The following MAPK8IP3 variants were observed in gnomAD, a reference collection of about 807,000 sequenced individuals.
MAPK8IP3 encodes mitogen-activated protein kinase 8 interacting protein 3.
MAPK8IP3 carries 49 observed loss-of-function variants against 157.8 expected under a neutral mutation model. The ratio of observed to expected loss-of-function variants is 0.31; its 90% CI spans 0.25 to 0.39. MAPK8IP3 has a LOEUF of 0.39. Among genes scored for constraint, MAPK8IP3 ranks in the 10% least tolerant of loss-of-function variants. MAPK8IP3 has a pLI of 1.00. For missense variants in MAPK8IP3, 1,478 were observed against 1,889.4 expected, an observed-to-expected ratio of 0.78 and a Z score of 4.04; for synonymous variants, 897 against 777.7, an observed-to-expected ratio of 1.15 and a Z score of -2.55.
chr16:1,733,512 G>T (rs1254656287), intron 4 of MAPK8IP3, among the ~76,000 whole-genome samples: 1 of 152,224 alleles, frequency 6.6e-6, no homozygotes, highest in African/African-American at 2.4e-5. Flanking sequence ...GCGGGGCAAG[G>T]AGTACTTCGT....
Position 1,743,517 on chromosome 16 carries a change from T to C in MAPK8IP3, c.747+41T>C. On this transcript the variant is annotated intron_variant, in intron 5 of 31. Coordinates refer to ENST00000610761, the MANE Select transcript of MAPK8IP3 (RefSeq NM_001318852.2). The surrounding 1 kb of genome is among the most constrained non-coding windows in gnomAD (Gnocchi z 5.6). ...CGTGGAGTGAGAGGCTCCTCCCTGT[T>C]GCTGGTGTTCCCCGTTCACTGGGGC... The C allele has an allele frequency of 2.5e-6, 4 of 1,600,908 alleles. No homozygotes were observed. In the South Asian group the frequency reaches 4.4e-5, roughly 18 times the overall value.
At chr16:1,761,478 C>T (rs113475778) in intron 13 of MAPK8IP3, among the ~76,000 whole-genome samples, 173 bp downstream of exon 13, 7 of 149,726 alleles carry the variant, frequency 4.7e-5, no homozygotes, top group African/African-American at 1.7e-4. Flanking sequence ...CATTCACAGG[C>T]GGGGCGGCCA....
In MAPK8IP3 at chr16:1,766,544, G is replaced by T. The variant is rs1056776464; in HGVS notation, c.2835G>T (p.Glu945Asp). The change falls in exon 23 of 32, where the codon GAG becomes GAT. Residue 945 changes from glutamate to aspartate, a missense_variant. By Grantham distance (45) the Glu-to-Asp change is conservative. Transcript: ENST00000610761. ...GPQPGSENGP[E>D]PDSSSTRPEP... ...CTTCCTGCAGCGAGAACGGGCCAGAGCCTGACAGCAGCAGCACACGGCCAG... is the reference window on the plus strand; with the variant it reads ...CTTCCTGCAGCGAGAACGGGCCAGATCCTGACAGCAGCAGCACACGGCCAG... 6.2e-7 allele frequency: 1 copy of T among 1,611,950 alleles called. No individual in the cohort carries two copies. The highest frequency in any genetic ancestry group is 1.3e-5 in the African/African-American group (1 of 75,056).
At chr16:1,746,877 C>T (rs2040994459) in intron 5 of MAPK8IP3, 152 bp from the exon 6 acceptor site, 4 of 941,038 alleles carry the variant, frequency 4.3e-6, no homozygotes, top group African/African-American at 1.7e-5. Context: ...GAAGGGTTAG[C>T]CCGGTGGGCG....
chr16:1,761,777 G>A (rs1266967642), intron 13 of MAPK8IP3, among the ~76,000 whole-genome samples: 3 of 148,442 alleles, frequency 2.0e-5, no homozygotes, highest in Non-Finnish European at 4.5e-5. Flanking sequence ...TCACACGTGG[G>A]GCAGCCATCA....
At chr16:1,767,481 G>A (rs893460467) in intron 26 of MAPK8IP3, 83 bp from the exon 27 acceptor site, 4 of 1,535,946 alleles carry the variant, frequency 2.6e-6, no homozygotes, top group African/African-American at 1.4e-5. Context: ...GACTGCAGGT[G>A]GCCCTGGAGC....
At chr16:1,749,923 T>A (rs1161802765) in intron 8 of MAPK8IP3, among the ~76,000 whole-genome samples, 1 of 152,180 alleles carries the variant, frequency 6.6e-6, no homozygotes, top group Admixed American at 6.5e-5. Flanking sequence ...AGGCCATGTA[T>A]GAGTAACATA....
chr16:1,735,657 A>T (rs1010022958), intron 4 of MAPK8IP3, among the ~76,000 whole-genome samples: 2 of 105,662 alleles, frequency 1.9e-5, no homozygotes, highest in African/African-American at 4.0e-5. Flanking sequence ...GTGACCATCC[A>T]TGTGAGCATC....
intron 4 of MAPK8IP3, among the ~76,000 whole-genome samples, chr16:1,735,242 A>T (rs1289561736): frequency 1.3e-5 from 2 of 148,830 alleles, no homozygotes; most frequent in East Asian, 4.0e-4. Context: ...CCATGTGACC[A>T]TCGGTGTGAG....
intron 11 of MAPK8IP3, 90 bp downstream of exon 11, chr16:1,760,105 G>A: frequency 7.0e-7 from 1 of 1,426,038 alleles, no homozygotes; most frequent in Non-Finnish European, 9.9e-7. Flanking sequence ...GCGCCTTGGG[G>A]AGCACCTGGC....
chr16:1,743,982 G>A lies in MAPK8IP3; in HGVS notation c.747+506G>A. ...TCTGGGCCCCTCCCTGCCTGTCCCT[G>A]GTAACGCCTCCTGGGTCCTGAGTTT... On this transcript the variant is annotated intron_variant, in intron 5 of 31. Transcript: ENST00000610761. The surrounding 1 kb of genome is among the most constrained non-coding windows in gnomAD (Gnocchi z 5.6). 1.0e-6 allele frequency: 1 copy of A among 998,150 alleles called. No homozygotes were observed. The highest frequency in any genetic ancestry group is 1.2e-6 in the Non-Finnish European group (1 of 838,640). The allele number at this position is 998,150 out of a possible 1,614,324, so 61.8% of individuals were successfully genotyped here.
rs975262998 is a variant in MAPK8IP3 at position 1,766,159 on chromosome 16, T to G, written c.2629+17T>G. On this transcript the variant is annotated intron_variant, in intron 21 of 31. Transcript: ENST00000610761. Reference sequence around the variant, plus strand: ...AGGGGCAGGGTGAGTCCTGGGCGAGTTTCCCCCATCCCCTCATTCCCACGT... The same window carrying G: ...AGGGGCAGGGTGAGTCCTGGGCGAGGTTCCCCCATCCCCTCATTCCCACGT... 6.2e-7 allele frequency: 1 copy of G among 1,601,960 alleles called. No homozygotes were observed. The highest frequency in any genetic ancestry group is 8.5e-7 in the Non-Finnish European group (1 of 1,172,446).
At position 1,763,650 on chromosome 16, in the gene MAPK8IP3, C is replaced by T. The variant is rs2042081707; in HGVS notation, c.1899-7C>T. On this transcript the variant is annotated splice_polypyrimidine_tract_variant and splice_region_variant and intron_variant, in intron 16 of 31. Coordinates refer to ENST00000610761, the MANE Select transcript of MAPK8IP3 (RefSeq NM_001318852.2). ...ACAGAGACATCACCCATCATTCTTCCACTCAGCGACTGCACGTCCTCCGCC... is the reference window on the plus strand; with the variant it reads ...ACAGAGACATCACCCATCATTCTTCTACTCAGCGACTGCACGTCCTCCGCC... 1.9e-6 allele frequency: 3 copies of T among 1,556,044 alleles called. No individual in the cohort carries two copies. Among genetic ancestry groups the T allele is most frequent in the Non-Finnish European group, 2.6e-6 (3 of 1,147,348 alleles).
chr16:1,737,989 A>T (rs1172930631), intron 4 of MAPK8IP3, among the ~76,000 whole-genome samples: 1 of 69,242 alleles, frequency 1.4e-5, no homozygotes, highest in Non-Finnish European at 2.6e-5. Flanking sequence ...CGTCCGTGTG[A>T]CCATCCATGT....
At chr16:1,707,720 A>G (rs1206322435) in intron 1 of MAPK8IP3, 1 of 152,270 alleles carries the variant, frequency 6.6e-6, no homozygotes, top group East Asian at 1.9e-4. Context: ...TTTTCCATCA[A>G]AGGAGTGAAT....
chr16:1,758,192 C>A, intron 9 of MAPK8IP3, 33 bp downstream of exon 9: 2 of 1,612,590 alleles, frequency 1.2e-6, no homozygotes, highest in East Asian at 2.2e-5. Context: ...TGTCTCCCCT[C>A]TGTGTGACGG....
chr16:1,713,319 A>C (rs1481873551), intron 1 of MAPK8IP3, among the ~76,000 whole-genome samples: 1 of 152,172 alleles, frequency 6.6e-6, no homozygotes, highest in African/African-American at 2.4e-5. Flanking sequence ...TCTGGACCGA[A>C]GCAATCCTCC....
At chr16:1,755,067 A>G (rs932826934) in intron 8 of MAPK8IP3, among the ~76,000 whole-genome samples, 26 of 152,192 alleles carry the variant, frequency 1.7e-4, no homozygotes, top group Non-Finnish European at 3.2e-4. Context: ...TATCCCAGAA[A>G]ATGTGGGGAG....
chr16:1,755,354 A>G (rs1596739855), intron 8 of MAPK8IP3, among the ~76,000 whole-genome samples: 1 of 152,296 alleles, frequency 6.6e-6, no homozygotes, highest in Middle Eastern at 3.4e-3. Flanking sequence ...AGATCTAAGT[A>G]CACAATTACG....
Sources: allele counts gnomAD v4.1 joint callset (sites outside exome capture counted in the v4.1 genomes callset), GRCh38; gene constraint gnomAD v4.1.1; non-coding constraint Gnocchi (gnomAD v3.1); transcripts MANE v1.5; gene names NCBI Gene and HGNC (gene_info 2026-07-23, HGNC 2026-07-21).